Variants in CRADD observed in about 807,000 individuals in gnomAD.
CRADD encodes CARD and death domain containing adaptor protein.
Under a neutral mutation model 15.5 loss-of-function variants are expected in CRADD, and 9 were observed. The observed-to-expected ratio is 0.58, with a 90% CI of 0.35 to 1.01. CRADD has a LOEUF of 1.01. Ranked by LOEUF, CRADD falls within the 50% of genes least tolerant of loss-of-function variation. The pLI is 0.02. For synonymous variants in CRADD, 118 were observed against 107.6 expected, an observed-to-expected ratio of 1.10 and a Z score of -0.60; for missense variants, 227 against 250.3, an observed-to-expected ratio of 0.91 and a Z score of 0.63.
chr12:93,857,595 T>TTTATA (rs1187198557), intron 2 of CRADD, among the ~76,000 whole-genome samples: 1 of 152,238 alleles, frequency 6.6e-6, no homozygotes, highest in Non-Finnish European at 1.5e-5. Flanking sequence ...TACATGGGAA[T>TTTATA]ACCTGAGGCT....
intron 2 of CRADD, among the ~76,000 whole-genome samples, chr12:93,738,857 C>T (rs957118089): frequency 3.3e-5 from 5 of 151,404 alleles, no homozygotes; most frequent in Non-Finnish European, 4.4e-5. Context: ...GAGAGAGAAA[C>T]GAGGAAAGGA....
chr12:93,882,481 A>G (rs1190135534), intron 2 of CRADD, among the ~76,000 whole-genome samples: 1 of 151,436 alleles, frequency 6.6e-6, no homozygotes, highest in East Asian at 1.9e-4. Flanking sequence ...ACATACACAC[A>G]CTATCCCCCC....
At chr12:93,719,677 T>C (rs1956224072) in intron 2 of CRADD, among the ~76,000 whole-genome samples, 1 of 152,214 alleles carries the variant, frequency 6.6e-6, no homozygotes, top group Non-Finnish European at 1.5e-5. Context: ...TGGCAGATTG[T>C]GTTTTTCAAT....
At chr12:93,793,442 G>A (rs1167950926) in intron 2 of CRADD, among the ~76,000 whole-genome samples, 2 of 152,130 alleles carry the variant, frequency 1.3e-5, no homozygotes, top group African/African-American at 2.4e-5. Context: ...GAAACCCCTC[G>A]TGGTCCATTC....
intron 2 of CRADD, among the ~76,000 whole-genome samples, chr12:93,767,347 C>T (rs1330103801): frequency 6.6e-6 from 1 of 152,212 alleles, no homozygotes; most frequent in Non-Finnish European, 1.5e-5. Context: ...CCTCGTTTCT[C>T]TCAGGTCCCT....
intron 2 of CRADD, among the ~76,000 whole-genome samples, chr12:93,762,120 G>A (rs565645802): frequency 4.7e-4 from 71 of 152,258 alleles, no homozygotes; most frequent in African/African-American, 1.6e-3. Context: ...CCTTTTTTAA[G>A]CTAAATAAAA....
intron 2 of CRADD, among the ~76,000 whole-genome samples, chr12:93,752,581 T>G (rs1235508620): frequency 6.6e-6 from 1 of 152,160 alleles, no homozygotes; most frequent in East Asian, 1.9e-4. Flanking sequence ...GTAAAAGAAA[T>G]ACTCCAAACA....
At chr12:93,894,251 A>AAT in exon 3 of CRADD, 1 of 451,538 alleles carries the variant, frequency 2.2e-6, no homozygotes, top group Non-Finnish European at 4.3e-6. Context: ...GGTTGTCACA[A>AAT]TTCTGTGTAT....
At chr12:93,797,604 A>C (rs901483200) in intron 2 of CRADD, among the ~76,000 whole-genome samples, 2 of 152,064 alleles carry the variant, frequency 1.3e-5, no homozygotes, top group African/African-American at 4.8e-5. Context: ...TGTCTGGGCC[A>C]CATCTTGGTG....
intron 2 of CRADD, among the ~76,000 whole-genome samples, chr12:93,832,093 A>G (rs2137030780): frequency 6.6e-6 from 1 of 152,352 alleles, no homozygotes; most frequent in East Asian, 1.9e-4. Flanking sequence ...CATTTATCCC[A>G]TGACAAATCT....
intron 2 of CRADD, among the ~76,000 whole-genome samples, chr12:93,879,323 C>G (rs1442050944): frequency 6.6e-6 from 1 of 152,110 alleles, no homozygotes; most frequent in African/African-American, 2.4e-5. Flanking sequence ...TGAATGTTCT[C>G]TTTGGCTGCC....
At chr12:93,861,384 A>G (rs974042748) in intron 2 of CRADD, among the ~76,000 whole-genome samples, 1 of 152,256 alleles carries the variant, frequency 6.6e-6, no homozygotes, top group Non-Finnish European at 1.5e-5. Context: ...AGATGGCCAT[A>G]GTGAAGTGTG....
At chr12:93,704,839 G>A (rs1955911293) in intron 2 of CRADD, among the ~76,000 whole-genome samples, 1 of 152,120 alleles carries the variant, frequency 6.6e-6, no homozygotes, top group Non-Finnish European at 1.5e-5. Context: ...AGTCGGCCAA[G>A]TCAGTGCCCA....
chr12:93,752,623 A>G (rs896626039), intron 2 of CRADD, among the ~76,000 whole-genome samples: 5 of 152,230 alleles, frequency 3.3e-5, no homozygotes, highest in African/African-American at 1.2e-4. Context: ...TGATGGTAAA[A>G]TGGATAATGT....
intron 2 of CRADD, among the ~76,000 whole-genome samples, chr12:93,788,426 G>T (rs1372584390): frequency 6.6e-6 from 1 of 152,136 alleles, no homozygotes; most frequent in East Asian, 1.9e-4. Context: ...GATGAGATTT[G>T]GGTGGGGACA....
chr12:93,728,398 A>AT (rs1380018343), intron 2 of CRADD, among the ~76,000 whole-genome samples: 2 of 152,272 alleles, frequency 1.3e-5, no homozygotes, highest in African/African-American at 4.8e-5. Flanking sequence ...ACTTGAATAA[A>AT]TAGAGAAACA....
chr12:93,749,787 TTTCTC>T (rs1956810007), intron 2 of CRADD, among the ~76,000 whole-genome samples: 2 of 152,214 alleles, frequency 1.3e-5, no homozygotes, highest in Non-Finnish European at 2.9e-5. Flanking sequence ...CTTTTAAGCT[TTTCTC>T]TTTTCCTCCC....
At chr12:93,700,997 C>T (rs1955832574) in intron 2 of CRADD, among the ~76,000 whole-genome samples, 1 of 152,076 alleles carries the variant, frequency 6.6e-6, no homozygotes, top group Non-Finnish European at 1.5e-5. Flanking sequence ...TTCCAGAGGG[C>T]AGGGACCTAG....
rs66564800 is a variant in CRADD at position 93,838,214 on chromosome 12, GTTT to G, written c.299-11739_299-11737del. Among the ~76,000 whole-genome samples, 660 of 130,584 alleles carry G rather than the reference GTTT, an allele frequency of 5.1e-3. 7 individuals are homozygous for G. Among genetic ancestry groups the G allele is most frequent in the African/African-American group, 0.017 (571 of 34,448 alleles). 85.7% of individuals were successfully genotyped at this position (130,584 alleles called of 152,430 possible). A position where few individuals can be genotyped will look rare whatever the true frequency, so the allele number is the denominator to read the frequency against. ...GGTTCTAATTAGTTTTCCTTTTGAG[GTTT>G]TTTTTTTTTTTTTTTTCTTTTTCCA... On this transcript the variant is annotated intron_variant, in intron 2 of 2. Transcript: ENST00000332896.
Sources: gnomAD v4.1 joint callset for allele counts (sites outside exome capture counted in the v4.1 genomes callset) on GRCh38, gnomAD v4.1.1 for gene constraint, MANE v1.5 for transcripts, NCBI Gene and HGNC (gene_info 2026-07-23, HGNC 2026-07-21) for gene names.